The following IL17RD variants were observed in gnomAD, a reference collection of about 807,000 sequenced individuals.
IL17RD encodes interleukin 17 receptor D, also known as interleukin-17 receptor D.
IL17RD carries 52 observed loss-of-function variants against 80.5 expected under a neutral mutation model. The observed-to-expected ratio is 0.65, with a 90% confidence interval of 0.52 to 0.81. The LOEUF is 0.81. Among genes scored for constraint, IL17RD ranks in the 40% least tolerant of loss-of-function variants. The pLI, the probability that IL17RD is intolerant of heterozygous loss-of-function variation, is 0.00. For missense variants in IL17RD, 1,024 were observed against 955.1 expected, an observed-to-expected ratio of 1.07 and a Z score of -0.95; for synonymous variants, 416 against 391.8, an observed-to-expected ratio of 1.06 and a Z score of -0.73.
intron 1 of IL17RD, among the ~76,000 whole-genome samples, chr3:57,141,687 G>C (rs1372679514): frequency 6.6e-6 from 1 of 151,902 alleles, no homozygotes; most frequent in African/African-American, 2.4e-5. Flanking sequence ...GAAAAAAAAA[G>C]CTTGACACTC....
At chr3:57,140,086 G>A (rs1335867686) in intron 1 of IL17RD, among the ~76,000 whole-genome samples, 2 of 152,046 alleles carry the variant, frequency 1.3e-5, no homozygotes, top group Non-Finnish European at 2.9e-5. Context: ...ATACCGAGCC[G>A]GGCACCTTAG....
chr3:57,110,170 G>C, intron 4 of IL17RD, 23 bp downstream of exon 4: 2 of 1,567,882 alleles, frequency 1.3e-6, no homozygotes, highest in Non-Finnish European at 1.7e-6. Context: ...GTCTTCAGGA[G>C]CACGTTCCCC....
chr3:57,145,460 G>A (rs1054341219), intron 1 of IL17RD, among the ~76,000 whole-genome samples: 2 of 152,128 alleles, frequency 1.3e-5, no homozygotes, highest in Admixed American at 1.3e-4. Flanking sequence ...CAGCAGAGCC[G>A]ACAGGCCACA....
intron 1 of IL17RD, among the ~76,000 whole-genome samples, chr3:57,125,223 A>G (rs1340341432): frequency 2.0e-5 from 3 of 152,144 alleles, no homozygotes; most frequent in Admixed American, 6.5e-5. Flanking sequence ...CCTGGCCAAC[A>G]TGGTAAAACC....
chr3:57,095,331 TA>T lies in IL17RD; in HGVS notation c.*1061del, dbSNP rs1337985698. The T allele has an allele frequency of 6.6e-6, 1 of 152,206 alleles. No homozygotes were observed. Among genetic ancestry groups the T allele is most frequent in the Non-Finnish European group, 1.5e-5 (1 of 68,036 alleles). The allele number at this position is 152,206 out of a possible 1,614,324, so 9.4% of individuals were successfully genotyped here. A position where few individuals can be genotyped will look rare whatever the true frequency, so the allele number is the denominator to read the frequency against. On this transcript the variant is annotated 3_prime_UTR_variant, in exon 13 of 13. Transcript: ENST00000296318. ...TAGAAACTCTGTAGAAAGTCATTCATAAAAATGGAACATTTACTTTTGTGAC... is the reference window on the plus strand; with the variant it reads ...TAGAAACTCTGTAGAAAGTCATTCATAAAATGGAACATTTACTTTTGTGAC...
chr3:57,157,515 T>C (rs1213778564), intron 1 of IL17RD, among the ~76,000 whole-genome samples: 1 of 152,204 alleles, frequency 6.6e-6, no homozygotes. Flanking sequence ...ATAAGTCTTT[T>C]TGAGCTTCAG....
rs202122540 is a variant in IL17RD, at chr3:57,098,329, G to A, written c.1374C>T (p.Ala458=). The A allele has an allele frequency of 9.3e-6, 15 of 1,613,978 alleles. No homozygotes were observed. Among genetic ancestry groups the A allele is most frequent in the Middle Eastern group, 1.6e-4 (1 of 6,062 alleles). The change falls in exon 12 of 13, where the codon GCC becomes GCT. Residue 458 remains alanine, a synonymous_variant. Transcript: ENST00000296318. ...TCTGCTTGGCCTGGCGGAGCTTTTC[G>A]GCAATGGCTGACACCGCCACCAGGA... ...ELFLVAVSAI[A]EKLRQAKQSS...
intron 2 of IL17RD, among the ~76,000 whole-genome samples, chr3:57,117,766 G>A (rs1707248149): frequency 1.3e-5 from 2 of 152,168 alleles, no homozygotes; most frequent in Admixed American, 1.3e-4. Context: ...TTTCTACACA[G>A]CCTGGATCCA....
At position 57,093,833 on chromosome 3, in the gene IL17RD, A is replaced by G. The variant is rs1240170827; in HGVS notation, c.*2560T>C. On this transcript the variant is annotated 3_prime_UTR_variant, in exon 13 of 13. Transcript: ENST00000296318. ...CTCTCCTGGCAAAGCTGATGACATCAGATGCTAAGTCCTTTCTGTAGCTCA... is the reference window on the plus strand; with the variant it reads ...CTCTCCTGGCAAAGCTGATGACATCGGATGCTAAGTCCTTTCTGTAGCTCA... 2 of 152,232 alleles carry G rather than the reference A, an allele frequency of 1.3e-5. No homozygotes were observed. Among genetic ancestry groups the G allele is most frequent in the African/African-American group, 2.4e-5 (1 of 41,456 alleles). The allele number at this position is 152,232 out of a possible 1,614,324, so 9.4% of individuals were successfully genotyped here.
chr3:57,127,412 A>ATATATATATATATT (rs1246159104), intron 1 of IL17RD, among the ~76,000 whole-genome samples: 1 of 91,216 alleles, frequency 1.1e-5, no homozygotes, highest in African/African-American at 4.9e-5. Context: ...ATATATATAT[A>ATATATATATATATT]TTTTTTTTTT....
chr3:57,101,285 CG>C lies in IL17RD; in HGVS notation c.1057del (p.Arg353GlyfsTer19), dbSNP rs1706822328. The C allele has an allele frequency of 1.9e-6, 3 of 1,612,936 alleles. No homozygotes were observed. The highest frequency in any genetic ancestry group is 2.5e-6 in the Non-Finnish European group (3 of 1,179,384). On this transcript the variant is annotated frameshift_variant, in exon 11 of 13. Transcript: ENST00000296318. LOFTEE classifies it high-confidence loss of function. ...YTAALPRERLRPRPKVFLCYS... is the reference protein window; with the variant it reads ...YTAALPRERLXPRPKVFLCYS... ...GCAGAGAAAGACCTTCGGCCGCGGC[CG>C]GAGCCTCTCTCTTGGGAGTGCTGCA...
chr3:57,152,129 A>C (rs116118055), intron 1 of IL17RD, among the ~76,000 whole-genome samples: 2,446 of 152,218 alleles, frequency 0.016, 29 homozygotes, highest in Middle Eastern at 0.071. Flanking sequence ...AGCCATAGAA[A>C]CAAGAACTCT....
Position 57,106,150 on chromosome 3 carries a change from A to ACAGG in IL17RD, c.551_554dup (p.Asp186LeufsTer2). ...GATTGTCCGGCTGTAACAACAGGTCACAGGCTATTAAGAGAATAAAGATAC... is the reference window on the plus strand; with the variant it reads ...GATTGTCCGGCTGTAACAACAGGTCACAGGCAGGCTATTAAGAGAATAAAGATAC... On this transcript the variant is annotated frameshift_variant, in exon 6 of 13. Coordinates refer to ENST00000296318, the MANE Select transcript of IL17RD (RefSeq NM_017563.5). LOFTEE classifies it high-confidence loss of function. 6.2e-7 allele frequency: 1 copy of ACAGG among 1,610,422 alleles called. No individual in the cohort carries two copies. Among genetic ancestry groups the ACAGG allele is most frequent in the Non-Finnish European group, 8.5e-7 (1 of 1,177,318 alleles).
At chr3:57,164,753 C>G (rs530486199) in intron 1 of IL17RD, among the ~76,000 whole-genome samples, 11 of 152,300 alleles carry the variant, frequency 7.2e-5, no homozygotes, top group South Asian at 2.1e-4. Context: ...GAGAATACCC[C>G]CTTCCCTCTC....
intron 1 of IL17RD, among the ~76,000 whole-genome samples, chr3:57,159,297 T>G (rs1247402628): frequency 6.6e-6 from 1 of 152,214 alleles, no homozygotes; most frequent in African/African-American, 2.4e-5. Context: ...ACTATCTGTT[T>G]CAATAGGATG....
chr3:57,142,007 C>T (rs186804412), intron 1 of IL17RD, among the ~76,000 whole-genome samples: 15 of 152,176 alleles, frequency 9.9e-5, no homozygotes, highest in Admixed American at 2.6e-4. Context: ...ATTGCCTAAA[C>T]GCTCTTATAG....
intron 5 of IL17RD, among the ~76,000 whole-genome samples, chr3:57,107,379 G>GGA (rs1553623302): frequency 8.3e-5 from 6 of 72,344 alleles, no homozygotes; most frequent in East Asian, 6.6e-4. Flanking sequence ...ACTCCATCTC[G>GGA]AAAAAAAAAA....
intron 5 of IL17RD, 114 bp downstream of exon 5, chr3:57,109,423 G>C: frequency 2.6e-6 from 3 of 1,137,366 alleles, no homozygotes; most frequent in Non-Finnish European, 3.8e-6. Flanking sequence ...GGGATTAGAG[G>C]TGTGAGCCAC....
chr3:57,106,118 C>G lies in IL17RD; in HGVS notation c.587G>C (p.Cys196Ser), dbSNP rs1382768783. The G allele has an allele frequency of 6.2e-7, 1 of 1,612,648 alleles. No individual in the cohort carries two copies. Residue 196 changes from cysteine to serine, a missense_variant, in exon 6 of 13, where the codon TGT becomes TCT. Coordinates refer to ENST00000296318, the MANE Select transcript of IL17RD (RefSeq NM_017563.5). ...DLLLQPDNLACKPFWKPRNLN... is the reference protein window; with the variant it reads ...DLLLQPDNLASKPFWKPRNLN... Reference sequence around the variant, plus strand: ...AGAACACTATTACTTACAGGGTTTACAAGCTAGATTGTCCGGCTGTAACAA... The same window carrying G: ...AGAACACTATTACTTACAGGGTTTAGAAGCTAGATTGTCCGGCTGTAACAA...
Sources: allele counts gnomAD v4.1 joint callset (sites outside exome capture counted in the v4.1 genomes callset), GRCh38; gene constraint gnomAD v4.1.1; transcripts MANE v1.5; gene names NCBI Gene and HGNC (gene_info 2026-07-23, HGNC 2026-07-21).